Variants in XYLT1 observed in about 807,000 individuals in gnomAD.
XYLT1 encodes the protein xylosyltransferase 1.
In XYLT1, 36 loss-of-function variants were observed where a neutral mutation model predicts 91.3. The observed-to-expected ratio is 0.39, with a 90% CI of 0.30 to 0.52. XYLT1 has a LOEUF of 0.52. Ranked by LOEUF, XYLT1 falls within the 20% of genes least tolerant of loss-of-function variation. The pLI is 0.68. For missense variants in XYLT1, 1,242 were observed against 1,284.5 expected (o/e 0.97, Z 0.51); for synonymous variants, 588 against 532.0 (o/e 1.11, Z -1.45).
rs550290188 is a variant in XYLT1 at position 17,323,376 on chromosome 16, A to G, written c.402+34636T>C. Among the ~76,000 whole-genome samples the G allele has an allele frequency of 7.2e-5, 11 of 152,312 alleles. No individual in the cohort carries two copies. The South Asian group carries it at 8.3e-4, about 11-fold the overall frequency. On this transcript the variant is annotated intron_variant, in intron 2 of 11. Coordinates refer to ENST00000261381, the MANE Select transcript of XYLT1 (RefSeq NM_022166.4). ...TTGGCATCTTCGCGCAGACGGCACC[A>G]TTGGGAATTCCTAACTCGGGCAAAG... is the stretch of plus-strand genomic sequence containing the variant.
At chr16:17,287,387 C>T (rs564074672) in intron 2 of XYLT1, among the ~76,000 whole-genome samples, 2 of 152,166 alleles carry the variant, frequency 1.3e-5, no homozygotes, top group Admixed American at 6.5e-5. Flanking sequence ...CCTCCTGGGG[C>T]TGTGGCCACT....
At chr16:17,432,922 T>G (rs1399627979) in intron 1 of XYLT1, among the ~76,000 whole-genome samples, 1 of 151,588 alleles carries the variant, frequency 6.6e-6, no homozygotes, top group Non-Finnish European at 1.5e-5. Context: ...ATTTTTACAG[T>G]GAACGATGAA....
At chr16:17,264,192 G>A (rs2141764565) in intron 2 of XYLT1, among the ~76,000 whole-genome samples, 1 of 152,224 alleles carries the variant, frequency 6.6e-6, no homozygotes. Context: ...GCATGATTGA[G>A]ATGTTATGCC....
At chr16:17,370,445 T>C (rs2035517822) in intron 1 of XYLT1, among the ~76,000 whole-genome samples, 1 of 152,208 alleles carries the variant, frequency 6.6e-6, no homozygotes. Context: ...TAAGTGTTAC[T>C]TTCCCAGGGA....
At chr16:17,156,145 A>T (rs2141537921) in intron 6 of XYLT1, among the ~76,000 whole-genome samples, 1 of 152,356 alleles carries the variant, frequency 6.6e-6, no homozygotes, top group East Asian at 1.9e-4. Context: ...TCACTCGTCC[A>T]ATGCAACACA....
chr16:17,369,999 A>G (rs2035509803), intron 1 of XYLT1, among the ~76,000 whole-genome samples: 1 of 152,196 alleles, frequency 6.6e-6, no homozygotes, highest in Non-Finnish European at 1.5e-5. Flanking sequence ...GAAGATGGGA[A>G]GAAAGTATGG....
At chr16:17,394,090 A>T (rs2035855496) in intron 1 of XYLT1, among the ~76,000 whole-genome samples, 1 of 152,184 alleles carries the variant, frequency 6.6e-6, no homozygotes, top group East Asian at 1.9e-4. Flanking sequence ...ATTTTTTTTT[A>T]AATGTCAAAT....
At chr16:17,256,662 A>AC (rs1412410216) in intron 3 of XYLT1, among the ~76,000 whole-genome samples, 1 of 151,624 alleles carries the variant, frequency 6.6e-6, no homozygotes, top group African/African-American at 2.4e-5. Context: ...AAAAAAAACA[A>AC]AAAAAAGAGT....
At chr16:17,170,894 C>T (rs766491153) in intron 5 of XYLT1, among the ~76,000 whole-genome samples, 17 of 152,184 alleles carry the variant, frequency 1.1e-4, no homozygotes, top group Non-Finnish European at 2.4e-4. Context: ...AGTTCTACTA[C>T]TTATTGGCTG....
At chr16:17,338,338 C>A in intron 2 of XYLT1, 2 of 456,506 alleles carry the variant, frequency 4.4e-6, no homozygotes, top group Non-Finnish European at 4.4e-6. Flanking sequence ...CTGATGTGGT[C>A]TACAGTACCT....
intron 2 of XYLT1, among the ~76,000 whole-genome samples, chr16:17,301,202 G>T (rs992355104): frequency 3.2e-4 from 49 of 152,052 alleles, no homozygotes; most frequent in African/African-American, 1.2e-3. Flanking sequence ...GTTGAGGTTG[G>T]GAGTTTGAGA....
At chr16:17,228,518 G>T (rs1179356512) in intron 3 of XYLT1, among the ~76,000 whole-genome samples, 2 of 152,134 alleles carry the variant, frequency 1.3e-5, no homozygotes, top group African/African-American at 4.8e-5. Flanking sequence ...GACTGCTGTT[G>T]AGAATATGTC....
At chr16:17,432,003 C>T (rs536437292) in intron 1 of XYLT1, among the ~76,000 whole-genome samples, 2 of 152,164 alleles carry the variant, frequency 1.3e-5, no homozygotes, top group African/African-American at 4.8e-5. Context: ...GTCTGTTGCC[C>T]ACAGGCAGAT....
rs1440169750 is a variant in XYLT1 at position 17,312,900 on chromosome 16, A to AT, written c.402+45111dup. On this transcript the variant is annotated intron_variant, in intron 2 of 11. Coordinates refer to ENST00000261381, the MANE Select transcript of XYLT1 (RefSeq NM_022166.4). This position sits in a 1 kb window ranked among gnomAD's most constrained non-coding sequence, Gnocchi z 4.4. ...CAGAGATGTTTCTGAGGGTACTCAT[A>AT]TTTGAAAAGGACTTCTAGGTGTCAA... Among the ~76,000 whole-genome samples, 1 of 152,214 alleles carries AT rather than the reference A, an allele frequency of 6.6e-6. No individual in the cohort carries two copies. Among genetic ancestry groups the AT allele is most frequent in the Non-Finnish European group, 1.5e-5 (1 of 68,038 alleles).
At chr16:17,253,823 TGAGAGAGAGAGAGAGA>T (rs3060128) in intron 3 of XYLT1, among the ~76,000 whole-genome samples, 15 of 114,848 alleles carry the variant, frequency 1.3e-4, no homozygotes, top group Non-Finnish European at 1.8e-4. Flanking sequence ...CCTTGCAACT[TGAGAGAGAGAGAGAGA>T]GAGAGAGAGA....
intron 2 of XYLT1, among the ~76,000 whole-genome samples, chr16:17,286,072 A>G (rs1209553875): frequency 1.3e-5 from 2 of 152,146 alleles, no homozygotes; most frequent in Non-Finnish European, 2.9e-5. Flanking sequence ...AACTTTCATG[A>G]TCTTCTCTGA....
intron 2 of XYLT1, among the ~76,000 whole-genome samples, chr16:17,327,464 G>C (rs773397850): frequency 2.7e-5 from 4 of 146,918 alleles, no homozygotes; most frequent in Non-Finnish European, 5.9e-5. Context: ...CCGGGTTCAC[G>C]CCATTCTCTT....
intron 1 of XYLT1, among the ~76,000 whole-genome samples, chr16:17,379,452 G>C (rs1478192896): frequency 6.6e-6 from 1 of 152,216 alleles, no homozygotes; most frequent in Non-Finnish European, 1.5e-5. Context: ...AGACACCCCA[G>C]GGCTTTTCAG....
chr16:17,305,891 T>C (rs922803532), intron 2 of XYLT1, among the ~76,000 whole-genome samples: 1 of 151,910 alleles, frequency 6.6e-6, no homozygotes, highest in Admixed American at 6.6e-5. Context: ...TGGTGGGGAG[T>C]CCCTGTGGGG....
Sources: gnomAD v4.1 joint callset for allele counts (sites outside exome capture counted in the v4.1 genomes callset) on GRCh38, gnomAD v4.1.1 for gene constraint, Gnocchi (gnomAD v3.1) non-coding constraint, MANE v1.5 for transcripts, NCBI Gene and HGNC (gene_info 2026-07-23, HGNC 2026-07-21) for gene names.